Variants in DLG2 observed in about 807,000 individuals in gnomAD.
The protein encoded by DLG2 is disks large homolog 2.
DLG2 carries 45 observed loss-of-function variants against 132.5 expected under a neutral mutation model. The observed-to-expected ratio is 0.34, with a 90% CI of 0.27 to 0.44. The LOEUF is 0.44. Among genes scored for constraint, DLG2 ranks in the 20% least tolerant of loss-of-function variants. The probability of loss-of-function intolerance (pLI) is 1.00; values close to 1 mark genes in which losing one functional copy is unlikely to be tolerated. For synonymous variants in DLG2, 424 were observed against 419.6 expected (o/e 1.01, Z -0.13); for missense variants, 1,045 against 1,196.9 (o/e 0.87, Z 1.87).
chr11:83,666,475 G>A (rs539134461), intron 18 of DLG2, among the ~76,000 whole-genome samples: 3 of 152,292 alleles, frequency 2.0e-5, no homozygotes, highest in South Asian at 4.1e-4. Context: ...CTAGGTTGCT[G>A]CTTCTTGTGA....
chr11:84,517,297 C>T (rs2099276722), intron 7 of DLG2, among the ~76,000 whole-genome samples: 1 of 151,568 alleles, frequency 6.6e-6, no homozygotes, highest in Admixed American at 6.6e-5. Flanking sequence ...TCAAATAACT[C>T]AACGGAAAGA....
chr11:83,719,350 C>T (rs991158285), intron 18 of DLG2, among the ~76,000 whole-genome samples: 11 of 152,186 alleles, frequency 7.2e-5, no homozygotes, highest in African/African-American at 2.7e-4. Flanking sequence ...GAACATACCT[C>T]TGAGCACACT....
chr11:83,633,196 T>C lies in DLG2; in HGVS notation c.1940+15A>G. The C allele has an allele frequency of 1.2e-6, 2 of 1,610,596 alleles. No homozygotes were observed. Among genetic ancestry groups the C allele is most frequent in the South Asian group, 2.2e-5 (2 of 91,026 alleles). On this transcript the variant is annotated intron_variant, in intron 19 of 27. Coordinates refer to ENST00000376104, the MANE Select transcript of DLG2 (RefSeq NM_001142699.3). ...TGCTCACAAAGTGCAGATAGAGAAA[T>C]ACTCCTTTGCCTACCTGACGTAGAG...
intron 4 of DLG2, among the ~76,000 whole-genome samples, chr11:85,224,620 TA>T (rs2074863296): frequency 6.6e-6 from 1 of 152,208 alleles, no homozygotes; most frequent in South Asian, 2.1e-4. Flanking sequence ...CTCTTAGTAA[TA>T]AGTCATTATC....
At chr11:84,670,060 C>T (rs2099704081) in intron 6 of DLG2, among the ~76,000 whole-genome samples, 1 of 152,084 alleles carries the variant, frequency 6.6e-6, no homozygotes, top group African/African-American at 2.4e-5. Flanking sequence ...AAAATGTATA[C>T]ATAAGGACTG....
intron 3 of DLG2, among the ~76,000 whole-genome samples, chr11:85,504,604 T>G (rs918604928): frequency 6.6e-6 from 1 of 152,210 alleles, no homozygotes; most frequent in African/African-American, 2.4e-5. Flanking sequence ...CATGCTGTTT[T>G]GGTTACTGCA....
intron 3 of DLG2, among the ~76,000 whole-genome samples, chr11:85,410,620 G>A (rs186748760): frequency 5.9e-5 from 9 of 151,870 alleles, no homozygotes; most frequent in South Asian, 4.1e-4. Flanking sequence ...CAGTGGGTCC[G>A]CTTAATGTGT....
intron 20 of DLG2, among the ~76,000 whole-genome samples, chr11:83,536,939 G>A (rs1005271748): frequency 1.3e-5 from 2 of 152,072 alleles, no homozygotes; most frequent in South Asian, 4.1e-4. Flanking sequence ...TACTGAGTAA[G>A]ACTTCTTTGG....
At chr11:84,454,462 A>G (rs1451356073) in intron 7 of DLG2, among the ~76,000 whole-genome samples, 2 of 151,510 alleles carry the variant, frequency 1.3e-5, no homozygotes, top group Admixed American at 6.6e-5. Flanking sequence ...ACATATGCCT[A>G]AAATATGAGC....
intron 4 of DLG2, among the ~76,000 whole-genome samples, chr11:85,272,917 T>C (rs1366954062): frequency 6.6e-6 from 1 of 151,938 alleles, no homozygotes; most frequent in African/African-American, 2.4e-5. Flanking sequence ...TATAGACCAA[T>C]GAAACAGAAC....
intron 6 of DLG2, among the ~76,000 whole-genome samples, chr11:84,906,134 C>T (rs1398473331): frequency 1.3e-5 from 2 of 151,580 alleles, no homozygotes; most frequent in East Asian, 1.9e-4. Context: ...CTTAGGAATA[C>T]ACTCTATAAT....
intron 3 of DLG2, among the ~76,000 whole-genome samples, chr11:85,376,061 G>A (rs1011709327): frequency 6.6e-6 from 1 of 152,128 alleles, no homozygotes; most frequent in South Asian, 2.1e-4. Context: ...AACCTAATAA[G>A]TAGTTATAGA....
At chr11:85,580,417 G>A (rs2078436743) in intron 3 of DLG2, among the ~76,000 whole-genome samples, 1 of 152,134 alleles carries the variant, frequency 6.6e-6, no homozygotes, top group African/African-American at 2.4e-5. Context: ...CCTTGCATTG[G>A]CCAAACTCAA....
At chr11:84,720,405 G>T (rs571027555) in intron 6 of DLG2, 33 of 985,452 alleles carry the variant, frequency 3.3e-5, no homozygotes, top group African/African-American at 8.7e-5. Flanking sequence ...CATTCCTTCC[G>T]GGCTGCGGCA....
chr11:83,686,625 C>T (rs1004447931), intron 18 of DLG2, among the ~76,000 whole-genome samples: 2 of 152,116 alleles, frequency 1.3e-5, no homozygotes, highest in Admixed American at 1.3e-4. Context: ...GAAGTCTTAT[C>T]TTCACTACTT....
At position 83,598,234 on chromosome 11, in the gene DLG2, C is replaced by T. The variant is rs1351187837; in HGVS notation, c.1940+34977G>A. ...TACTGGAATACTTTTCTCAGCTCCA[C>T]GCATGTTCTGTCTGTCCTCTTTGGC... On this transcript the variant is annotated intron_variant, in intron 19 of 27. Coordinates refer to ENST00000376104, the MANE Select transcript of DLG2 (RefSeq NM_001142699.3). 3.3e-5 allele frequency among the ~76,000 whole-genome samples: 5 copies of T among 152,222 alleles called. No homozygotes were observed. In the South Asian group the frequency reaches 6.2e-4, roughly 19 times the overall value.
intron 22 of DLG2, chr11:83,483,232 T>C: frequency 1.2e-6 from 2 of 1,607,648 alleles, no homozygotes; most frequent in Non-Finnish European, 1.7e-6. Context: ...AAAGTTACAG[T>C]GACCATTCCT....
intron 21 of DLG2, among the ~76,000 whole-genome samples, chr11:83,488,176 T>C (rs2093635661): frequency 6.6e-6 from 1 of 152,066 alleles, no homozygotes; most frequent in East Asian, 1.9e-4. Flanking sequence ...TAATTTTATT[T>C]GGTGTAAATA....
intron 4 of DLG2, among the ~76,000 whole-genome samples, chr11:85,209,926 T>A (rs1433796264): frequency 6.6e-6 from 1 of 152,036 alleles, no homozygotes; most frequent in African/African-American, 2.4e-5. Flanking sequence ...CCTTTTATTC[T>A]CCCTACCTAG....
Sources: allele counts gnomAD v4.1 joint callset (sites outside exome capture counted in the v4.1 genomes callset), GRCh38; gene constraint gnomAD v4.1.1; transcripts MANE v1.5; gene names NCBI Gene and HGNC (gene_info 2026-07-23, HGNC 2026-07-21).